The following MAPK8IP3 variants were observed in gnomAD, a reference collection of about 807,000 sequenced individuals.
The protein encoded by MAPK8IP3 is C-Jun-amino-terminal kinase-interacting protein 3.
MAPK8IP3 carries 49 observed loss-of-function variants against 157.8 expected under a neutral mutation model. The ratio of observed to expected loss-of-function variants is 0.31; its 90% CI spans 0.25 to 0.39. The LOEUF is 0.39. Ranked by LOEUF, MAPK8IP3 falls within the 10% of genes least tolerant of loss-of-function variation. The pLI, the probability that MAPK8IP3 is intolerant of heterozygous loss-of-function variation, is 1.00. For synonymous variants in MAPK8IP3, 897 were observed against 777.7 expected (o/e 1.15, Z -2.55); for missense variants, 1,478 against 1,889.4 (o/e 0.78, Z 4.04).
At chr16:1,721,914 C>T (rs1035951478) in intron 1 of MAPK8IP3, among the ~76,000 whole-genome samples, 2 of 151,998 alleles carry the variant, frequency 1.3e-5, no homozygotes, top group Non-Finnish European at 2.9e-5. Flanking sequence ...GGACTACAGG[C>T]GCCCGCCACC....
At chr16:1,746,747 G>A (rs867825467) in intron 5 of MAPK8IP3, 1 of 469,098 alleles carries the variant, frequency 2.1e-6, no homozygotes, top group South Asian at 3.0e-5. Flanking sequence ...ACAAGCAATC[G>A]TCTGGGGAGG....
Position 1,725,149 on chromosome 16 carries a change from T to TTTATTATTATTA in MAPK8IP3, c.439+498_439+509dup, listed in dbSNP as rs71145429. On this transcript the variant is annotated intron_variant, in intron 2 of 31. Coordinates refer to ENST00000610761, the MANE Select transcript of MAPK8IP3 (RefSeq NM_001318852.2). Reference sequence around the variant, plus strand: ...CTGCAAGGCGAAGTAGCAGAAAGGGTTTATTATTATTATTATTATTATTAT... The same window carrying TTTATTATTATTA: ...CTGCAAGGCGAAGTAGCAGAAAGGGTTTATTATTATTATTATTATTATTATTATTATTATTAT... Among the ~76,000 whole-genome samples the TTTATTATTATTA allele has an allele frequency of 2.6e-3, 369 of 144,472 alleles. 1 individual carries two copies. Among genetic ancestry groups the TTTATTATTATTA allele is most frequent in the East Asian group, 6.9e-3 (34 of 4,928 alleles). 94.8% of individuals were successfully genotyped at this position (144,472 alleles called of 152,430 possible).
intron 5 of MAPK8IP3, chr16:1,745,289 C>A: frequency 3.4e-6 from 2 of 581,576 alleles, no homozygotes; most frequent in Non-Finnish European, 4.3e-6. Flanking sequence ...CAGCTACACC[C>A]TGCCTGGCCA....
chr16:1,713,064 A>C (rs74002432), intron 1 of MAPK8IP3, among the ~76,000 whole-genome samples: 4 of 152,330 alleles, frequency 2.6e-5, no homozygotes, highest in African/African-American at 9.6e-5. Context: ...GTCTCTGCAC[A>C]CATCTCACCA....
rs769154227 is a variant in MAPK8IP3, at chr16:1,741,286, C to T, written c.603-2046C>T. On this transcript the variant is annotated intron_variant, in intron 4 of 31. Coordinates refer to ENST00000610761, the MANE Select transcript of MAPK8IP3 (RefSeq NM_001318852.2). The surrounding 1 kb of genome is among the most constrained non-coding windows in gnomAD (Gnocchi z 6.9). ...GACAAATCGGGAGGACGGGGTCAGT[C>T]GGCAAACGCTCACGAGCCTGAGGCC... 5.3e-5 allele frequency among the ~76,000 whole-genome samples: 8 copies of T among 152,196 alleles called. No individual in the cohort carries two copies. The highest frequency in any genetic ancestry group is 1.4e-4 in the African/African-American group (6 of 41,440).
intron 1 of MAPK8IP3, among the ~76,000 whole-genome samples, chr16:1,715,226 G>T (rs571118883): frequency 6.6e-6 from 1 of 152,074 alleles, no homozygotes; most frequent in Non-Finnish European, 1.5e-5. Flanking sequence ...TTGGAGTCCC[G>T]AGCTAGTGGC....
rs1229423306 is a variant in MAPK8IP3, at chr16:1,735,955, C to G, written c.602+6377C>G. Among the ~76,000 whole-genome samples the G allele has an allele frequency of 3.7e-4, 47 of 128,048 alleles. 1 individual carries two copies. Among genetic ancestry groups the G allele is most frequent in the Admixed American group, 2.6e-3 (32 of 12,226 alleles). The allele number at this position is 128,048 out of a possible 152,430, so 84.0% of individuals were successfully genotyped here. On this transcript the variant is annotated intron_variant, in intron 4 of 31. Coordinates refer to ENST00000610761, the MANE Select transcript of MAPK8IP3 (RefSeq NM_001318852.2). Reference sequence around the variant, plus strand: ...GTGTGACCGTCTGTGTGAGTGTGACCGCCCATGTGAGCATCCGTGTGACCG... The same window carrying G: ...GTGTGACCGTCTGTGTGAGTGTGACGGCCCATGTGAGCATCCGTGTGACCG...
chr16:1,744,060 C>G, intron 5 of MAPK8IP3: 1 of 988,260 alleles, frequency 1.0e-6, no homozygotes. Flanking sequence ...TGCGGGGGCC[C>G]CAGCAGGTTC....
At chr16:1,744,025 C>T in intron 5 of MAPK8IP3, 1 of 992,262 alleles carries the variant, frequency 1.0e-6, no homozygotes, top group Non-Finnish European at 1.2e-6. Context: ...CAGAGCCTCG[C>T]CCCAGCAGGT....
chr16:1,767,743 G>A lies in MAPK8IP3; in HGVS notation c.3409+8G>A, dbSNP rs745639836. The A allele has an allele frequency of 3.1e-6, 5 of 1,612,298 alleles. No homozygotes were observed. In the South Asian group the frequency reaches 3.3e-5, roughly 11 times the overall value. On this transcript the variant is annotated splice_region_variant and intron_variant, in intron 27 of 31. Transcript: ENST00000610761. ...ACGTCAGCAAGATGCTAGGTGAGGG[G>A]CCACGCCAGATGGGGTGGTGGGGTG...
chr16:1,719,377 T>C (rs183792597), intron 1 of MAPK8IP3, among the ~76,000 whole-genome samples: 21 of 152,266 alleles, frequency 1.4e-4, no homozygotes, highest in African/African-American at 4.8e-4. Context: ...AATATGTATG[T>C]CGGTGATTCA....
In MAPK8IP3 at chr16:1,743,293, T is replaced by C; in HGVS notation, c.603-39T>C. On this transcript the variant is annotated intron_variant, in intron 4 of 31. Transcript: ENST00000610761. This position sits in a 1 kb window ranked among gnomAD's most constrained non-coding sequence, Gnocchi z 5.6. ...GCTTGGGAAATCTTCACGGCCACCC[T>C]CTAACCATCGCTTCCTCTCCTCTCG... 6.6e-7 allele frequency: 1 copy of C among 1,519,760 alleles called. No homozygotes were observed. The highest frequency in any genetic ancestry group is 8.8e-7 in the Non-Finnish European group (1 of 1,141,476). The allele number at this position is 1,519,760 out of a possible 1,614,324, so 94.1% of individuals were successfully genotyped here.
At chr16:1,765,466 G>A (rs1228716649) in intron 20 of MAPK8IP3, among the ~76,000 whole-genome samples, 2 of 152,168 alleles carry the variant, frequency 1.3e-5, no homozygotes, top group Non-Finnish European at 2.9e-5. Context: ...AGCATCACTC[G>A]GAGACCACAG....
chr16:1,716,291 C>T (rs1230196120), intron 1 of MAPK8IP3, among the ~76,000 whole-genome samples: 1 of 150,600 alleles, frequency 6.6e-6, no homozygotes, highest in Non-Finnish European at 1.5e-5. Context: ...TTCGAAGACC[C>T]TATGCTCTCA....
intron 4 of MAPK8IP3, 32 bp downstream of exon 4, chr16:1,729,610 G>A (rs554815062): frequency 2.6e-6 from 4 of 1,541,080 alleles, no homozygotes; most frequent in South Asian, 1.2e-5. Flanking sequence ...GGAGGTACGC[G>A]GGGCGCGGCG....
Position 1,724,671 on chromosome 16 carries a change from G to T in MAPK8IP3, c.433G>T (p.Asp145Tyr), listed in dbSNP as rs1271719399. 6.2e-6 allele frequency: 10 copies of T among 1,612,534 alleles called. No individual in the cohort carries two copies. Among genetic ancestry groups the T allele is most frequent in the South Asian group, 1.1e-5 (1 of 91,056 alleles). Residue 145 changes from aspartate to tyrosine, a missense_variant, in exon 2 of 32, where the codon GAT (aspartate) becomes TAT (tyrosine). Asp to Tyr is a radical substitution (Grantham distance 160). Coordinates refer to ENST00000610761, the MANE Select transcript of MAPK8IP3 (RefSeq NM_001318852.2). The surrounding 1 kb of genome is among the most constrained non-coding windows in gnomAD (Gnocchi z 4.1). ...GGAGCTGAAGGCCAAGAACTATGCCGATCAGAGTAAGTGGCTGGCGGGAGC... is the reference window on the plus strand; with the variant it reads ...GGAGCTGAAGGCCAAGAACTATGCCTATCAGAGTAAGTGGCTGGCGGGAGC... ...QLELKAKNYA[D>Y]QISRLEERES...
intron 4 of MAPK8IP3, among the ~76,000 whole-genome samples, chr16:1,738,240 A>G (rs1354677933): frequency 6.8e-5 from 4 of 58,688 alleles, no homozygotes; most frequent in African/African-American, 8.0e-5. Context: ...GTGACCATCC[A>G]TTTGAGCATC....
chr16:1,712,947 C>T (rs79119292), intron 1 of MAPK8IP3, among the ~76,000 whole-genome samples: 25 of 152,348 alleles, frequency 1.6e-4, no homozygotes, highest in East Asian at 1.2e-3. Flanking sequence ...AACAAGGGGC[C>T]GGCACCCTTT....
At chr16:1,728,286 C>T (rs1457734770) in intron 2 of MAPK8IP3, among the ~76,000 whole-genome samples, 3 of 152,224 alleles carry the variant, frequency 2.0e-5, no homozygotes, top group Admixed American at 6.5e-5. Flanking sequence ...CCAGAAGGCA[C>T]ATAGTCATGA....
Sources: gnomAD v4.1 joint callset for allele counts (sites outside exome capture counted in the v4.1 genomes callset) on GRCh38, gnomAD v4.1.1 for gene constraint, Gnocchi (gnomAD v3.1) non-coding constraint, MANE v1.5 for transcripts, NCBI Gene and HGNC (gene_info 2026-07-23, HGNC 2026-07-21) for gene names.